Variants in LUC7L2 observed in about 807,000 individuals in gnomAD.
LUC7L2 encodes LUC7 like 2, pre-mRNA splicing factor, also known as putative RNA-binding protein Luc7-like 2.
LUC7L2 carries 25 observed loss-of-function variants against 52.8 expected under a neutral mutation model. The observed-to-expected ratio is 0.47, with a 90% confidence interval of 0.34 to 0.66. The LOEUF (loss-of-function observed/expected upper bound fraction) is 0.66, where lower values mean the gene tolerates loss of function less well. Ranked by LOEUF, LUC7L2 falls within the 30% of genes least tolerant of loss-of-function variation. LUC7L2 has a pLI of 0.01. For synonymous variants in LUC7L2, 144 were observed against 160.9 expected (o/e 0.89, Z 0.80); for missense variants, 328 against 497.8 (o/e 0.66, Z 3.25).
intron 9 of LUC7L2, 144 bp from the exon 10 acceptor site, chr7:139,422,019 A>G (rs1421116271): frequency 7.7e-7 from 1 of 1,303,956 alleles, no homozygotes; most frequent in Non-Finnish European, 1.0e-6. Context: ...AGTGCTCTGT[A>G]ATTTGTCAGA....
In LUC7L2 at chr7:139,376,924, A is replaced by G. The variant is rs373364339; in HGVS notation, c.156+768A>G. Among the ~76,000 whole-genome samples, 33 of 152,342 alleles carry G rather than the reference A, an allele frequency of 2.2e-4. 2 individuals carry two copies. Among genetic ancestry groups the G allele is most frequent in the African/African-American group, 7.2e-4 (30 of 41,574 alleles). On this transcript the variant is annotated intron_variant, in intron 2 of 9. Coordinates refer to ENST00000354926, the MANE Select transcript of LUC7L2 (RefSeq NM_016019.5). ...TTTCTGACTTGCCTTTTCAGAAGCA[A>G]TGAGTTTCTCAGCCAAATGAGTGGT...
chr7:139,416,188 C>T (rs1350245361), intron 8 of LUC7L2: 1 of 150,698 alleles, frequency 6.6e-6, no homozygotes, highest in African/African-American at 2.4e-5. Context: ...TAAAGTGACT[C>T]TTCTAACAAA....
chr7:139,341,340 G>A, intron 1 of LUC7L2: 1 of 1,583,430 alleles, frequency 6.3e-7, no homozygotes, highest in Non-Finnish European at 8.6e-7. Context: ...GGTTTTCAGG[G>A]TCGTAGGACG....
intron 7 of LUC7L2, among the ~76,000 whole-genome samples, chr7:139,412,265 T>TA (rs1317480402): frequency 6.6e-6 from 1 of 151,820 alleles, no homozygotes; most frequent in African/African-American, 2.4e-5. Context: ...CCGAAACACT[T>TA]ATGATCCTTA....
At chr7:139,351,038 A>G (rs1799443587) in intron 1 of LUC7L2, among the ~76,000 whole-genome samples, 1 of 152,056 alleles carries the variant, frequency 6.6e-6, no homozygotes, top group Admixed American at 6.6e-5. Context: ...TATCCCTTAC[A>G]TGTTGGGTAT....
At chr7:139,404,263 A>G (rs534835846) in intron 4 of LUC7L2, among the ~76,000 whole-genome samples, 2 of 152,312 alleles carry the variant, frequency 1.3e-5, no homozygotes, top group East Asian at 3.9e-4. Flanking sequence ...TAATCCCAGC[A>G]CTTTGTGAGG....
chr7:139,358,003 T>A (rs996883719), upstream of LUC7L2, among the ~76,000 whole-genome samples: 1 of 151,010 alleles, frequency 6.6e-6, no homozygotes, highest in Non-Finnish European at 1.5e-5. Context: ...AAAATTTTCA[T>A]TGGCCCAATA....
chr7:139,396,963 G>T (rs1478640557), intron 2 of LUC7L2, among the ~76,000 whole-genome samples: 3 of 152,026 alleles, frequency 2.0e-5, no homozygotes. Context: ...TTTGAATCTT[G>T]ATCTCGTGCA....
At chr7:139,419,139 AAAC>A (rs1569397589) in intron 9 of LUC7L2, among the ~76,000 whole-genome samples, 2 of 151,966 alleles carry the variant, frequency 1.3e-5, no homozygotes, top group Non-Finnish European at 2.9e-5. Context: ...ACAAAAAAAA[AAAC>A]AAAAAGTCTC....
Position 139,412,180 on chromosome 7 carries a change from G to GA in LUC7L2, c.780-371_780-370insA, listed in dbSNP as rs775532329. ...GTGGTTGGATCATTTGCATCCAGGA[G>GA]TTCAAGACCACCCTAGGCAACAAAA... On this transcript the variant is annotated intron_variant, in intron 7 of 9. Coordinates refer to ENST00000354926, the MANE Select transcript of LUC7L2 (RefSeq NM_016019.5). Among the ~76,000 whole-genome samples the GA allele has an allele frequency of 2.7e-4, 41 of 149,208 alleles. 1 individual carries two copies. The highest frequency in any genetic ancestry group is 4.4e-4 in the Non-Finnish European group (30 of 67,608).
intron 2 of LUC7L2, chr7:139,392,423 C>A: frequency 2.6e-6 from 1 of 385,082 alleles, no homozygotes; most frequent in Non-Finnish European, 5.1e-6. Context: ...AACTTTGTTA[C>A]CTTTGTTAGT....
At chr7:139,386,571 ATTTT>A (rs1296623886) in intron 2 of LUC7L2, among the ~76,000 whole-genome samples, 1 of 140,500 alleles carries the variant, frequency 7.1e-6, no homozygotes, top group Admixed American at 6.9e-5. Flanking sequence ...CACCTGGCTA[ATTTT>A]TTTTTCGTAT....
chr7:139,341,338 G>T, intron 1 of LUC7L2: 1 of 1,576,246 alleles, frequency 6.3e-7, no homozygotes, highest in Non-Finnish European at 8.7e-7. Context: ...GGGGTTTTCA[G>T]GGTCGTAGGA....
chr7:139,368,072 T>G (rs1161050896), intron 1 of LUC7L2, among the ~76,000 whole-genome samples: 2 of 152,230 alleles, frequency 1.3e-5, no homozygotes, highest in Non-Finnish European at 2.9e-5. Context: ...CTGTTACAAT[T>G]TAATTTACTC....
chr7:139,360,369 G>GC, intron 1 of LUC7L2, 47 bp downstream of exon 1: 1 of 1,528,968 alleles, frequency 6.5e-7, no homozygotes, highest in African/African-American at 1.4e-5. Flanking sequence ...GACGGGGACG[G>GC]CGAAGGGAAG....
chr7:139,362,622 C>CT lies in LUC7L2; in HGVS notation c.61+2318dup, dbSNP rs79177935. On this transcript the variant is annotated intron_variant, in intron 1 of 9. Transcript: ENST00000354926. ...GGAGGGTATTTAAGGCAACTCTGTCCTTTTTTTTTTTTTTTTTTAATTCCA... is the reference window on the plus strand; with the variant it reads ...GGAGGGTATTTAAGGCAACTCTGTCCTTTTTTTTTTTTTTTTTTTAATTCCA... 7.3e-3 allele frequency among the ~76,000 whole-genome samples: 836 copies of CT among 114,444 alleles called. 3 individuals carry two copies. The highest frequency in any genetic ancestry group is 0.014 in the South Asian group (51 of 3,720). The allele number at this position is 114,444 out of a possible 152,430, so 75.1% of individuals were successfully genotyped here. A position where few individuals can be genotyped will look rare whatever the true frequency, so the allele number is the denominator to read the frequency against.
intron 9 of LUC7L2, among the ~76,000 whole-genome samples, chr7:139,419,924 T>C (rs935810987): frequency 4.6e-5 from 7 of 152,252 alleles, no homozygotes; most frequent in African/African-American, 1.7e-4. Flanking sequence ...TGTTAAAACC[T>C]ACTTGGTATT....
chr7:139,410,187 G>A (rs957949528), intron 7 of LUC7L2, among the ~76,000 whole-genome samples: 1 of 150,814 alleles, frequency 6.6e-6, no homozygotes, highest in Non-Finnish European at 1.5e-5. Context: ...CAGCCTGGGC[G>A]ACAGCGAGAC....
At chr7:139,380,598 T>TA (rs1250949678) in intron 2 of LUC7L2, among the ~76,000 whole-genome samples, 2 of 152,184 alleles carry the variant, frequency 1.3e-5, no homozygotes, top group Non-Finnish European at 2.9e-5. Flanking sequence ...AGACACCGTT[T>TA]AAAAAAATAA....
Sources: gnomAD v4.1 joint callset for allele counts (sites outside exome capture counted in the v4.1 genomes callset) on GRCh38, gnomAD v4.1.1 for gene constraint, MANE v1.5 for transcripts, NCBI Gene and HGNC (gene_info 2026-07-23, HGNC 2026-07-21) for gene names.